The following GRIP1 variants were observed in gnomAD, a reference collection of about 807,000 sequenced individuals.
GRIP1 encodes the protein glutamate receptor-interacting protein 1.
Under a neutral mutation model 129.9 loss-of-function variants are expected in GRIP1, and 45 were observed. The ratio of observed to expected loss-of-function variants is 0.35; its 90% CI spans 0.27 to 0.44. GRIP1 has a LOEUF of 0.44. GRIP1 is among the 20% of genes least tolerant of loss of function. The pLI is 1.00. For missense variants in GRIP1, 1,196 were observed against 1,396.8 expected (o/e 0.86, Z 2.29); for synonymous variants, 530 against 520.8 (o/e 1.02, Z -0.24).
At chr12:66,641,323 T>C (rs1565933973) in intron 1 of GRIP1, among the ~76,000 whole-genome samples, 3 of 150,664 alleles carry the variant, frequency 2.0e-5, no homozygotes, top group East Asian at 3.9e-4. Flanking sequence ...AGTGGGCGCT[T>C]TGACAAAACC....
At chr12:66,368,762 A>AT (rs1181503888) in intron 23 of GRIP1, among the ~76,000 whole-genome samples, 1 of 152,220 alleles carries the variant, frequency 6.6e-6, no homozygotes, top group African/African-American at 2.4e-5. Flanking sequence ...TTTTCATGAC[A>AT]TTAGGTAGTC....
chr12:66,447,885 G>A (rs2058676518), intron 11 of GRIP1, among the ~76,000 whole-genome samples: 1 of 152,160 alleles, frequency 6.6e-6, no homozygotes, highest in African/African-American at 2.4e-5. Context: ...TGCTCTAGCT[G>A]GCGACTGGCT....
At chr12:66,380,364 C>A (rs1339479638) in intron 19 of GRIP1, among the ~76,000 whole-genome samples, 1 of 152,122 alleles carries the variant, frequency 6.6e-6, no homozygotes, top group African/African-American at 2.4e-5. Context: ...GGCTTTCACC[C>A]CTCTCTCTTG....
chr12:66,786,382 C>G (rs962053680), intron 1 of GRIP1, among the ~76,000 whole-genome samples: 2 of 152,116 alleles, frequency 1.3e-5, no homozygotes, highest in South Asian at 2.1e-4. Flanking sequence ...CTGGAGGGAA[C>G]AGCACCGTGT....
chr12:66,396,142 A>C (rs2056777998), intron 16 of GRIP1, among the ~76,000 whole-genome samples: 1 of 152,144 alleles, frequency 6.6e-6, no homozygotes, highest in African/African-American at 2.4e-5. Context: ...ACTGCTGGAC[A>C]CTCTGTGTGG....
chr12:66,702,320 T>C (rs1264978264), intron 1 of GRIP1, among the ~76,000 whole-genome samples: 1 of 152,188 alleles, frequency 6.6e-6, no homozygotes, highest in Non-Finnish European at 1.5e-5. Flanking sequence ...GCAATGATAT[T>C]TCTATCTAAT....
At chr12:66,813,203 G>A (rs73329273) in intron 1 of GRIP1, among the ~76,000 whole-genome samples, 4,663 of 152,280 alleles carry the variant, frequency 0.031, 165 homozygotes, top group African/African-American at 0.09. Flanking sequence ...GAAGGTAAAG[G>A]GGAAGCAAGT....
At chr12:66,737,686 T>C (rs931673490) in intron 1 of GRIP1, among the ~76,000 whole-genome samples, 1 of 152,214 alleles carries the variant, frequency 6.6e-6, no homozygotes, top group African/African-American at 2.4e-5. Flanking sequence ...TTAGCAATAT[T>C]GCCACATCAC....
At chr12:66,689,821 A>G (rs575243435) in intron 1 of GRIP1, among the ~76,000 whole-genome samples, 112 of 152,082 alleles carry the variant, frequency 7.4e-4, no homozygotes, top group African/African-American at 2.4e-3. Flanking sequence ...ACATCTCCCC[A>G]TTTCCCCCAC....
chr12:66,846,303 T>C (rs117809256), intron 1 of GRIP1, among the ~76,000 whole-genome samples: 1,971 of 152,320 alleles, frequency 0.013, 27 homozygotes, highest in Non-Finnish European at 0.019. Flanking sequence ...ATGCTCCGAA[T>C]TGAAATTATC....
intron 1 of GRIP1, among the ~76,000 whole-genome samples, chr12:67,066,888 T>TATA (rs2043635570): frequency 8.0e-5 from 10 of 125,646 alleles, no homozygotes; most frequent in South Asian, 5.5e-4. Flanking sequence ...AAATATATAT[T>TATA]TATATATATA....
chr12:66,665,842 GAACA>G (rs1176661943), intron 1 of GRIP1, among the ~76,000 whole-genome samples: 1 of 152,038 alleles, frequency 6.6e-6, no homozygotes, highest in African/African-American at 2.4e-5. Context: ...AGATACTACC[GAACA>G]GTTTTCTAAA....
intron 1 of GRIP1, among the ~76,000 whole-genome samples, chr12:66,985,582 T>G (rs1394265): frequency 6.6e-6 from 1 of 151,948 alleles, no homozygotes; most frequent in South Asian, 2.1e-4. Flanking sequence ...GGTACCAAAT[T>G]TGAAGCTAAA....
At chr12:66,865,804 T>A (rs952625771) in intron 1 of GRIP1, among the ~76,000 whole-genome samples, 2 of 152,184 alleles carry the variant, frequency 1.3e-5, no homozygotes, top group Admixed American at 6.6e-5. Context: ...TGTATGCTTT[T>A]CTTCCTATAT....
At chr12:66,960,596 T>C (rs1241107283) in intron 1 of GRIP1, among the ~76,000 whole-genome samples, 3 of 152,142 alleles carry the variant, frequency 2.0e-5, no homozygotes, top group Non-Finnish European at 4.4e-5. Flanking sequence ...TCAAAGATTG[T>C]GGATGGGATT....
chr12:66,482,641 T>C (rs1300175821), intron 7 of GRIP1, among the ~76,000 whole-genome samples: 1 of 152,200 alleles, frequency 6.6e-6, no homozygotes, highest in Non-Finnish European at 1.5e-5. Context: ...GAGGGATTTA[T>C]GAAAAGTAGG....
intron 1 of GRIP1, among the ~76,000 whole-genome samples, chr12:67,040,165 C>T (rs2043154573): frequency 6.6e-6 from 1 of 152,056 alleles, no homozygotes; most frequent in African/African-American, 2.4e-5. Flanking sequence ...TAGCTGAGTT[C>T]CAGAGTAGAG....
At chr12:66,919,670 TC>T (rs1566078678) in intron 1 of GRIP1, among the ~76,000 whole-genome samples, 2 of 152,042 alleles carry the variant, frequency 1.3e-5, no homozygotes, top group East Asian at 3.9e-4. Flanking sequence ...TTGACTTTTT[TC>T]CCCCAGATAA....
At chr12:66,501,469 G>A (rs2060391404) in intron 7 of GRIP1, among the ~76,000 whole-genome samples, 1 of 152,074 alleles carries the variant, frequency 6.6e-6, no homozygotes, top group Non-Finnish European at 1.5e-5. Flanking sequence ...ATTTTATTAA[G>A]AGGAATGTAA....
Sources: allele counts gnomAD v4.1 joint callset (sites outside exome capture counted in the v4.1 genomes callset), GRCh38; gene constraint gnomAD v4.1.1; transcripts MANE v1.5; gene names NCBI Gene and HGNC (gene_info 2026-07-23, HGNC 2026-07-21).